Variants in TSNARE1 observed in about 807,000 individuals in gnomAD.
The protein encoded by TSNARE1 is t-SNARE domain containing 1.
A neutral mutation model predicts 62.0 loss-of-function variants in TSNARE1; 49 were observed. The observed-to-expected ratio is 0.79, with a 90% CI of 0.63 to 1.00. TSNARE1 has a LOEUF of 1.00. Ranked by LOEUF, TSNARE1 falls within the 50% of genes least tolerant of loss-of-function variation. The pLI, the probability that TSNARE1 is intolerant of heterozygous loss-of-function variation, is 0.00. For missense variants in TSNARE1, 755 were observed against 700.1 expected (o/e 1.08, Z -0.88); for synonymous variants, 328 against 294.4 (o/e 1.11, Z -1.17).
At chr8:142,355,241 G>A (rs1038669576) in intron 1 of TSNARE1, among the ~76,000 whole-genome samples, 1 of 152,348 alleles carries the variant, frequency 6.6e-6, no homozygotes, top group Non-Finnish European at 1.5e-5. Context: ...CGCACTCCAC[G>A]GTAGTGGGGC....
At chr8:142,303,979 C>A (rs1337450668) in intron 9 of TSNARE1, among the ~76,000 whole-genome samples, 4 of 152,234 alleles carry the variant, frequency 2.6e-5, no homozygotes. Context: ...CTAAAGGGCA[C>A]CTTGCCCAGG....
intron 1 of TSNARE1, among the ~76,000 whole-genome samples, chr8:142,395,431 G>A (rs370211978): frequency 4.6e-5 from 7 of 152,104 alleles, no homozygotes; most frequent in Non-Finnish European, 1.0e-4. Flanking sequence ...GCAGAGGGGC[G>A]GCCCCAGCAA....
Position 142,354,670 on chromosome 8 carries a change from C to G in TSNARE1, c.55G>C (p.Gly19Arg), listed in dbSNP as rs145679911. The G allele has an allele frequency of 6.2e-7, 1 of 1,613,582 alleles. No homozygotes were observed. The highest frequency in any genetic ancestry group is 8.5e-7 in the Non-Finnish European group (1 of 1,179,808). ...TGACAGCCTTGTCTCGAAGGTCCCC[C>G]GAAAGGGCCACGGCTCCCCAGGCCA... is the stretch of plus-strand genomic sequence containing the variant. Reference protein sequence around the residue: ...GGGLGSRGPFGGPSRQGCQPL... With the variant: ...GGGLGSRGPFRGPSRQGCQPL... The change falls in exon 2 of 14, where the codon GGG becomes CGG. Residue 19 changes from glycine (G) to arginine (R), a missense_variant. Gly to Arg is a moderately radical substitution (Grantham distance 125). Coordinates refer to ENST00000524325, the MANE Select transcript of TSNARE1 (RefSeq NM_145003.5).
rs141876910 is a variant in TSNARE1 at position 142,368,222 on chromosome 8, C to T, written c.-39-13459G>A. ...ACATATGCCAAAGGACGAATATTAT[C>T]CTTAACATATAAAGAGCTCATAAAA... On this transcript the variant is annotated intron_variant, in intron 1 of 13. Coordinates refer to ENST00000524325, the MANE Select transcript of TSNARE1 (RefSeq NM_145003.5). 3.7e-3 allele frequency among the ~76,000 whole-genome samples: 555 copies of T among 151,338 alleles called. 3 individuals are homozygous for T. Among genetic ancestry groups the T allele is most frequent in the Non-Finnish European group, 6.2e-3 (424 of 67,862 alleles).
chr8:142,322,957 G>T (rs1383833916), intron 6 of TSNARE1, among the ~76,000 whole-genome samples: 1 of 151,896 alleles, frequency 6.6e-6, no homozygotes, highest in Non-Finnish European at 1.5e-5. Flanking sequence ...GTGTCCGTGG[G>T]TTGGACAACG....
chr8:142,258,773 T>G (rs1384442567), intron 12 of TSNARE1, among the ~76,000 whole-genome samples: 1 of 152,130 alleles, frequency 6.6e-6, no homozygotes, highest in East Asian at 1.9e-4. Context: ...CCACCCACCT[T>G]GGCCTCCCAA....
At chr8:142,384,803 A>G (rs1837001320) in intron 1 of TSNARE1, among the ~76,000 whole-genome samples, 1 of 152,208 alleles carries the variant, frequency 6.6e-6, no homozygotes. Context: ...AGACACCAAA[A>G]GCACAGACAA....
intron 6 of TSNARE1, among the ~76,000 whole-genome samples, chr8:142,323,908 T>C (rs574176918): frequency 1.8e-4 from 27 of 152,200 alleles, no homozygotes; most frequent in Middle Eastern, 6.8e-3. Context: ...GTGGATCCAG[T>C]GCAGGGAGAT....
At chr8:142,376,467 A>G (rs563833911) in intron 1 of TSNARE1, among the ~76,000 whole-genome samples, 23 of 152,174 alleles carry the variant, frequency 1.5e-4, no homozygotes, top group African/African-American at 5.3e-4. Flanking sequence ...TGTCAAATGG[A>G]CCCCTGAGAG....
At chr8:142,329,199 A>G (rs1206266167) in intron 6 of TSNARE1, among the ~76,000 whole-genome samples, 2 of 152,246 alleles carry the variant, frequency 1.3e-5, no homozygotes, top group Admixed American at 6.5e-5. Context: ...CAAGCAGGCT[A>G]GACCCACAGC....
At chr8:142,219,838 C>T (rs1334338643) in intron 13 of TSNARE1, among the ~76,000 whole-genome samples, 1 of 152,226 alleles carries the variant, frequency 6.6e-6, no homozygotes, top group Admixed American at 6.5e-5. Context: ...CCCGAAGGCC[C>T]GCTGCCCAGG....
intron 12 of TSNARE1, among the ~76,000 whole-genome samples, chr8:142,254,028 A>C (rs548898800): frequency 6.6e-6 from 1 of 152,228 alleles, no homozygotes; most frequent in African/African-American, 2.4e-5. Flanking sequence ...AATTCCACGC[A>C]GAGATATTCT....
intron 2 of TSNARE1, among the ~76,000 whole-genome samples, chr8:142,353,709 C>T (rs1834408036): frequency 6.6e-6 from 1 of 152,040 alleles, no homozygotes; most frequent in African/African-American, 2.4e-5. Flanking sequence ...AACAGGCCCC[C>T]TGGGGACCAG....
At chr8:142,217,998 G>T (rs1159235301) in intron 13 of TSNARE1, among the ~76,000 whole-genome samples, 2 of 103,406 alleles carry the variant, frequency 1.9e-5, no homozygotes, top group Admixed American at 1.8e-4. Context: ...GTATGAGCAG[G>T]ATCAGGGCTC....
chr8:142,236,082 G>A (rs987144642), intron 12 of TSNARE1, among the ~76,000 whole-genome samples: 9 of 152,220 alleles, frequency 5.9e-5, no homozygotes, highest in Admixed American at 1.3e-4. Flanking sequence ...CAGCCTCACC[G>A]CGTGGCCATG....
chr8:142,280,990 A>G (rs1821348248), intron 11 of TSNARE1, among the ~76,000 whole-genome samples: 1 of 152,160 alleles, frequency 6.6e-6, no homozygotes, highest in African/African-American at 2.4e-5. Context: ...AGGGTGCTTG[A>G]GCCGCAGTCA....
intron 12 of TSNARE1, among the ~76,000 whole-genome samples, chr8:142,249,175 A>T (rs897514048): frequency 6.6e-6 from 1 of 152,148 alleles, no homozygotes; most frequent in East Asian, 1.9e-4. Flanking sequence ...AATTTATAAC[A>T]TGAGGAAGGG....
intron 1 of TSNARE1, among the ~76,000 whole-genome samples, chr8:142,385,701 T>C (rs1375088082): frequency 6.6e-6 from 1 of 152,242 alleles, no homozygotes; most frequent in East Asian, 1.9e-4. Context: ...AGAAAGGTAC[T>C]ATTGTCATCA....
At chr8:142,225,888 C>T (rs930534522) in intron 13 of TSNARE1, among the ~76,000 whole-genome samples, 2 of 152,142 alleles carry the variant, frequency 1.3e-5, no homozygotes, top group African/African-American at 2.4e-5. Flanking sequence ...TTGGCAGGGC[C>T]GTGCATGCCA....
Sources: allele counts gnomAD v4.1 joint callset (sites outside exome capture counted in the v4.1 genomes callset), GRCh38; gene constraint gnomAD v4.1.1; transcripts MANE v1.5; gene names NCBI Gene and HGNC (gene_info 2026-07-23, HGNC 2026-07-21).